Variants in SAE1 observed in about 807,000 individuals in gnomAD.
The protein encoded by SAE1 is SUMO1 activating enzyme subunit 1.
A neutral mutation model predicts 40.6 loss-of-function variants in SAE1; 11 were observed. The ratio of observed to expected loss-of-function variants is 0.27; its 90% CI spans 0.17 to 0.45. The LOEUF (loss-of-function observed/expected upper bound fraction) is 0.45. SAE1 is among the 20% of genes least tolerant of loss of function. The pLI, the probability that SAE1 is intolerant of heterozygous loss-of-function variation, is 1.00. For missense variants in SAE1, 373 were observed against 427.3 expected, an observed-to-expected ratio of 0.87 and a Z score of 1.12; for synonymous variants, 155 against 154.3, an observed-to-expected ratio of 1.00 and a Z score of -0.03.
intron 5 of SAE1, among the ~76,000 whole-genome samples, chr19:47,163,454 G>A (rs461709): frequency 0.16 from 24,333 of 152,104 alleles, 2,550 homozygotes; most frequent in Non-Finnish European, 0.24. Flanking sequence ...GAGGCCAGGC[G>A]CAGTGCCTCA....
intron 5 of SAE1, among the ~76,000 whole-genome samples, chr19:47,159,014 T>C (rs967347458): frequency 1.3e-5 from 2 of 152,194 alleles, no homozygotes; most frequent in Admixed American, 6.5e-5. Context: ...CGTTTCTTTA[T>C]TGTGAGTTAT....
intron 6 of SAE1, among the ~76,000 whole-genome samples, chr19:47,194,880 C>T (rs903573758): frequency 6.6e-6 from 1 of 151,560 alleles, no homozygotes; most frequent in Non-Finnish European, 1.5e-5. Flanking sequence ...GTACCTGGGA[C>T]TACAGGCGTG....
chr19:47,140,862 T>A (rs1308888544), intron 1 of SAE1, among the ~76,000 whole-genome samples: 1 of 152,050 alleles, frequency 6.6e-6, no homozygotes, highest in Non-Finnish European at 1.5e-5. Context: ...TAATTTAATT[T>A]AATTTTTTTT....
chr19:47,197,203 T>C, intron 6 of SAE1, 30 bp from the exon 7 acceptor site: 1 of 1,578,422 alleles, frequency 6.3e-7, no homozygotes, highest in African/African-American at 1.4e-5. Flanking sequence ...AAAGTGGCTT[T>C]ATAACCTGCC....
intron 6 of SAE1, among the ~76,000 whole-genome samples, chr19:47,180,950 G>A (rs1297085245): frequency 3.3e-5 from 5 of 152,188 alleles, no homozygotes; most frequent in Non-Finnish European, 7.3e-5. Flanking sequence ...CTTGGAATAT[G>A]TAACCCTGGG....
chr19:47,198,038 C>CTT (rs1215625407), intron 7 of SAE1, among the ~76,000 whole-genome samples: 1 of 152,166 alleles, frequency 6.6e-6, no homozygotes, highest in Admixed American at 6.6e-5. Context: ...ACGTGACTAC[C>CTT]TTTTTGCTCT....
intron 8 of SAE1, among the ~76,000 whole-genome samples, chr19:47,204,092 G>C (rs1353269502): frequency 6.6e-6 from 1 of 151,336 alleles, no homozygotes; most frequent in Admixed American, 6.6e-5. Flanking sequence ...CACTTAAGAG[G>C]AAGACACTTG....
intron 8 of SAE1, among the ~76,000 whole-genome samples, chr19:47,205,600 G>C (rs1327446038): frequency 6.6e-6 from 1 of 152,134 alleles, no homozygotes; most frequent in African/African-American, 2.4e-5. Flanking sequence ...ACAAACTGCA[G>C]GAAAGAGTGC....
At chr19:47,189,956 G>A (rs890745555) in intron 6 of SAE1, among the ~76,000 whole-genome samples, 1 of 152,172 alleles carries the variant, frequency 6.6e-6, no homozygotes, top group Non-Finnish European at 1.5e-5. Context: ...TTGAATTTGA[G>A]TGCTTACATT....
At chr19:47,140,539 C>T (rs927304148) in intron 1 of SAE1, among the ~76,000 whole-genome samples, 2 of 150,644 alleles carry the variant, frequency 1.3e-5, no homozygotes, top group Admixed American at 6.7e-5. Flanking sequence ...AAACCCAGCA[C>T]TTTGAGGGAG....
intron 7 of SAE1, 55 bp from the exon 8 acceptor site, chr19:47,203,616 C>G: frequency 6.6e-7 from 1 of 1,521,666 alleles, no homozygotes; most frequent in Non-Finnish European, 9.1e-7. Context: ...CTCCAGATGT[C>G]ATGGTCACAG....
At chr19:47,160,214 ATTTTTTTT>A (rs748289334) in intron 5 of SAE1, among the ~76,000 whole-genome samples, 2 of 74,590 alleles carry the variant, frequency 2.7e-5, no homozygotes, top group South Asian at 5.3e-4. Context: ...AAAATCCTGC[ATTTTTTTT>A]TTTTTTTTTT....
intron 8 of SAE1, among the ~76,000 whole-genome samples, chr19:47,205,640 G>T (rs1026268143): frequency 2.0e-5 from 3 of 152,010 alleles, no homozygotes; most frequent in African/African-American, 7.2e-5. Flanking sequence ...GTGGGGAATG[G>T]GAATGTACAT....
intron 5 of SAE1, among the ~76,000 whole-genome samples, chr19:47,156,501 T>C (rs2058325760): frequency 6.6e-6 from 1 of 152,124 alleles, no homozygotes; most frequent in South Asian, 2.1e-4. Context: ...TTTCTTTGCC[T>C]GTTTTTTTCC....
intron 5 of SAE1, among the ~76,000 whole-genome samples, chr19:47,165,386 G>A (rs754061427): frequency 1.3e-5 from 2 of 152,102 alleles, no homozygotes; most frequent in African/African-American, 4.8e-5. Context: ...CACCGCACCC[G>A]GCCTTGTTAT....
chr19:47,180,129 A>G (rs2058497059), intron 6 of SAE1: 1 of 455,626 alleles, frequency 2.2e-6, no homozygotes, highest in East Asian at 6.9e-5. Context: ...CCACTTTTAC[A>G]CGTGTTTATT....
intron 1 of SAE1, among the ~76,000 whole-genome samples, chr19:47,132,415 C>A (rs1040847514): frequency 4.0e-5 from 6 of 150,596 alleles, no homozygotes. Flanking sequence ...CATCATCCGA[C>A]TAATTTTTGT....
intron 6 of SAE1, among the ~76,000 whole-genome samples, chr19:47,192,669 A>G (rs1245608157): frequency 6.6e-6 from 1 of 151,756 alleles, no homozygotes; most frequent in Non-Finnish European, 1.5e-5. Context: ...CAGCCTCCCA[A>G]GTACTTGATT....
chr19:47,184,798 T>TTTTTGTTTTGTTTTG (rs201318034), intron 6 of SAE1, among the ~76,000 whole-genome samples: 1 of 148,450 alleles, frequency 6.7e-6, no homozygotes, highest in Admixed American at 6.8e-5. Context: ...TTTTGTTTTG[T>TTTTTGTTTTGTTTTG]TTTTGTTTTG....
Sources: allele counts gnomAD v4.1 joint callset (sites outside exome capture counted in the v4.1 genomes callset), GRCh38; gene constraint gnomAD v4.1.1; transcripts MANE v1.5; gene names NCBI Gene and HGNC (gene_info 2026-07-23, HGNC 2026-07-21).